The following UBAP1 variants were observed in gnomAD, a reference collection of about 807,000 sequenced individuals.
The protein encoded by UBAP1 is ubiquitin-associated protein 1.
In UBAP1, 5 loss-of-function variants were observed where a neutral mutation model predicts 39.0. The observed-to-expected ratio is 0.13, with a 90% CI of 0.07 to 0.27. The LOEUF (loss-of-function observed/expected upper bound fraction) is 0.27, where lower values mean the gene tolerates loss of function less well. Ranked by LOEUF, UBAP1 falls within the 10% of genes least tolerant of loss-of-function variation. UBAP1 has a pLI of 1.00. For synonymous variants in UBAP1, 211 were observed against 225.1 expected (o/e 0.94, Z 0.56); for missense variants, 490 against 608.1 (o/e 0.81, Z 2.04).
intron 1 of UBAP1, among the ~76,000 whole-genome samples, chr9:34,182,671 C>CTTTCTTTCTTTCTTTCTTTCTTTCTCT (rs1830139983): frequency 3.4e-5 from 3 of 88,008 alleles, no homozygotes; most frequent in South Asian, 4.4e-4. Context: ...TTCTTTCTTT[C>CTTTCTTTCTTTCTTTCTTTCTTTCTCT]TTTCTTTCTT....
At position 34,181,674 on chromosome 9, in the gene UBAP1, C is replaced by T. The variant is rs991402344; in HGVS notation, c.-8+2434C>T. Among the ~76,000 whole-genome samples, 30 of 147,984 alleles carry T rather than the reference C, an allele frequency of 2.0e-4. 1 individual carries two copies. The highest frequency in any genetic ancestry group is 6.2e-4 in the Admixed American group (9 of 14,606). ...GTCTCGATCTCCTGACCTCGTGATC[C>T]GCCCGCCTTGGCCTCCCAAAGTGCT... On this transcript the variant is annotated intron_variant, in intron 1 of 6. Coordinates refer to ENST00000297661, the MANE Select transcript of UBAP1 (RefSeq NM_016525.5).
chr9:34,227,501 C>T (rs1034808406), intron 2 of UBAP1, among the ~76,000 whole-genome samples: 1 of 152,166 alleles, frequency 6.6e-6, no homozygotes, highest in African/African-American at 2.4e-5. Flanking sequence ...TTGGGGATTT[C>T]TCCCCCCACC....
Position 34,221,087 on chromosome 9 carries a change from T to G in UBAP1, c.34+139T>G, listed in dbSNP as rs1466239097. The G allele has an allele frequency of 8.3e-6, 6 of 725,532 alleles. No homozygotes were observed. The Admixed American group carries it at 1.1e-4, about 13-fold the overall frequency. 44.9% of individuals were successfully genotyped at this position (725,532 alleles called of 1,614,324 possible). ...TGACAAAAATAAAGTTGTACAACAA[T>G]GTATCAAGTATATCTGAAAGGTCTT... On this transcript the variant is annotated intron_variant, in intron 2 of 6. Transcript: ENST00000297661.
rs201862416 is a variant in UBAP1, at chr9:34,251,505, C to T, written c.1482C>T (p.Asp494=). ...ATGACCAGGACAATGCTTTGGAAGA[C>T]CTCATGGCTCGGGCAGGAGCCAGCT... is the stretch of plus-strand genomic sequence containing the variant. ...HNNDQDNALE[D]LMARAGAS is the part of the protein sequence containing the mutation. Residue 494 remains aspartate, a synonymous_variant, in exon 7 of 7, where the codon GAC becomes GAT. Coordinates refer to ENST00000297661, the MANE Select transcript of UBAP1 (RefSeq NM_016525.5). The T allele has an allele frequency of 6.8e-5, 109 of 1,614,196 alleles. 1 individual carries two copies. Among genetic ancestry groups the T allele is most frequent in the Middle Eastern group, 6.6e-4 (4 of 6,062 alleles).
intron 2 of UBAP1, among the ~76,000 whole-genome samples, chr9:34,223,751 G>A (rs775388460): frequency 2.0e-5 from 3 of 152,100 alleles, no homozygotes; most frequent in Non-Finnish European, 4.4e-5. Flanking sequence ...CACCGTGCCC[G>A]GCCCAAAGTG....
At chr9:34,217,630 C>CAA (rs923589674) in intron 1 of UBAP1, among the ~76,000 whole-genome samples, 1 of 137,210 alleles carries the variant, frequency 7.3e-6, no homozygotes, top group East Asian at 2.1e-4. Context: ...ACCTGAGTAA[C>CAA]AAAAAAAAAA....
rs138550076 is a variant in UBAP1, at chr9:34,236,042, T to C, written c.159+1702T>C. On this transcript the variant is annotated intron_variant, in intron 3 of 6. Coordinates refer to ENST00000297661, the MANE Select transcript of UBAP1 (RefSeq NM_016525.5). ...TGCCCGGCTAATTTTGTATTTTTAG[T>C]GGAGTCAGGGTTTCACCATGTTAGT... Among the ~76,000 whole-genome samples the C allele has an allele frequency of 3.5e-3, 530 of 152,176 alleles. 6 individuals carry two copies. The highest frequency in any genetic ancestry group is 0.012 in the African/African-American group (495 of 41,520).
chr9:34,203,680 A>C lies in UBAP1; in HGVS notation c.-7-17228A>C, dbSNP rs188490291. Among the ~76,000 whole-genome samples the C allele has an allele frequency of 1.3e-3, 200 of 152,378 alleles. 1 individual carries two copies. The highest frequency in any genetic ancestry group is 3.2e-3 in the Admixed American group (49 of 15,310). ...AAATATTTAATAGAACTTTAAAGAC[A>C]TCTGTTCTGACATTTATTTTAGCAT... On this transcript the variant is annotated intron_variant, in intron 1 of 6. Coordinates refer to ENST00000297661, the MANE Select transcript of UBAP1 (RefSeq NM_016525.5).
chr9:34,200,463 T>C (rs998972416), intron 1 of UBAP1, among the ~76,000 whole-genome samples: 1 of 152,220 alleles, frequency 6.6e-6, no homozygotes, highest in Non-Finnish European at 1.5e-5. Flanking sequence ...TTGTTAGTGC[T>C]ATTACGGTTT....
intron 1 of UBAP1, among the ~76,000 whole-genome samples, chr9:34,202,670 TGTGTGTGTCCCC>T (rs1280288478): frequency 1.4e-5 from 2 of 144,508 alleles, no homozygotes; most frequent in Non-Finnish European, 3.1e-5. Context: ...TGTGTGTGTG[TGTGTGTGTCCCC>T]GTCCCCGTAT....
rs1193356334 is a variant in UBAP1 at position 34,181,116 on chromosome 9, C to CTTTCTTTTTTTTTTTTT, written c.-8+1879_-8+1880insCTTTTTTTTTTTTTTTT. On this transcript the variant is annotated intron_variant, in intron 1 of 6. Coordinates refer to ENST00000297661, the MANE Select transcript of UBAP1 (RefSeq NM_016525.5). The stretch of plus-strand genomic sequence containing the variant: ...TGAGCCACCGCACCCGGCCTGTTTT[C>CTTTCTTTTTTTTTTTTT]TTTTTTTTTTTTTTTTTGAGACAGA... Among the ~76,000 whole-genome samples the CTTTCTTTTTTTTTTTTT allele has an allele frequency of 4.3e-4, 31 of 72,266 alleles. 3 individuals carry two copies. The highest frequency in any genetic ancestry group is 6.4e-4 in the Non-Finnish European group (25 of 39,220). The allele number at this position is 72,266 out of a possible 152,430, so 47.4% of individuals were successfully genotyped here. A position where few individuals can be genotyped will look rare whatever the true frequency, so the allele number is the denominator to read the frequency against.
intron 2 of UBAP1, among the ~76,000 whole-genome samples, chr9:34,222,592 C>T (rs865863088): frequency 1.3e-5 from 2 of 151,956 alleles, no homozygotes; most frequent in Non-Finnish European, 2.9e-5. Context: ...GCCAGGAGTT[C>T]AAGACCAGCC....
intron 3 of UBAP1, among the ~76,000 whole-genome samples, chr9:34,239,284 A>T (rs1833847258): frequency 6.6e-6 from 1 of 152,178 alleles, no homozygotes; most frequent in Admixed American, 6.5e-5. Flanking sequence ...ACCTCAAGTG[A>T]TCCGCCCACC....
At chr9:34,191,257 GC>G (rs1830704199) in intron 1 of UBAP1, among the ~76,000 whole-genome samples, 1 of 152,214 alleles carries the variant, frequency 6.6e-6, no homozygotes, top group South Asian at 2.1e-4. Flanking sequence ...TCTGGTGTGG[GC>G]TTGAGAGTTT....
intron 1 of UBAP1, among the ~76,000 whole-genome samples, chr9:34,215,165 T>A (rs1832228125): frequency 6.6e-6 from 1 of 152,106 alleles, no homozygotes; most frequent in Non-Finnish European, 1.5e-5. Flanking sequence ...AAAAAGATGC[T>A]TGCACATGTA....
chr9:34,186,892 G>T (rs1193874082), intron 1 of UBAP1, among the ~76,000 whole-genome samples: 2 of 151,652 alleles, frequency 1.3e-5, no homozygotes, highest in Non-Finnish European at 2.9e-5. Flanking sequence ...TTTGTGTTTT[G>T]TGTTTTTTTT....
chr9:34,183,042 TGCTGGGATTATAG>T (rs1487451383), intron 1 of UBAP1, among the ~76,000 whole-genome samples: 3 of 152,086 alleles, frequency 2.0e-5, no homozygotes, highest in Non-Finnish European at 4.4e-5. Context: ...CCTTCCAAAG[TGCTGGGATTATAG>T]GCGTGAGCCA....
chr9:34,236,181 T>C (rs1413167913), intron 3 of UBAP1, among the ~76,000 whole-genome samples: 1 of 152,118 alleles, frequency 6.6e-6, no homozygotes, highest in Non-Finnish European at 1.5e-5. Context: ...TTTTATACCA[T>C]ATTTTTACTG....
At chr9:34,191,190 A>G (rs1830699743) in intron 1 of UBAP1, among the ~76,000 whole-genome samples, 1 of 152,178 alleles carries the variant, frequency 6.6e-6, no homozygotes, top group Non-Finnish European at 1.5e-5. Flanking sequence ...TCAAAGTTTT[A>G]GTGTGTGTAT....
Sources: allele counts gnomAD v4.1 joint callset (sites outside exome capture counted in the v4.1 genomes callset), GRCh38; gene constraint gnomAD v4.1.1; transcripts MANE v1.5; gene names NCBI Gene and HGNC (gene_info 2026-07-23, HGNC 2026-07-21).